Variants in SNTB1 observed in about 807,000 individuals in gnomAD.
The protein encoded by SNTB1 is beta-1-syntrophin.
A neutral mutation model predicts 48.9 loss-of-function variants in SNTB1; 36 were observed. The ratio of observed to expected loss-of-function variants is 0.74; its 90% CI spans 0.56 to 0.97. The LOEUF (loss-of-function observed/expected upper bound fraction) is 0.97, where lower values mean the gene tolerates loss of function less well. Ranked by LOEUF, SNTB1 falls within the 50% of genes least tolerant of loss-of-function variation. The pLI is 0.00. For missense variants in SNTB1, 786 were observed against 703.4 expected (o/e 1.12, Z -1.33); for synonymous variants, 299 against 294.6 (o/e 1.01, Z -0.15).
At position 120,766,332 on chromosome 8, in the gene SNTB1, C is replaced by T. The variant is rs191557469; in HGVS notation, c.571+44941G>A. On this transcript the variant is annotated intron_variant, in intron 1 of 6. Transcript: ENST00000517992. ...AAATATCAGAGCCATGATTCAAATC[C>T]AGGTATGACCGATTATAAAGCCCAC... Among the ~76,000 whole-genome samples the T allele has an allele frequency of 1.6e-3, 243 of 152,208 alleles. 2 individuals are homozygous for T. Among genetic ancestry groups the T allele is most frequent in the African/African-American group, 5.4e-3 (226 of 41,528 alleles).
chr8:120,606,654 G>T (rs1816525684), intron 3 of SNTB1, among the ~76,000 whole-genome samples: 1 of 152,170 alleles, frequency 6.6e-6, no homozygotes, highest in Non-Finnish European at 1.5e-5. Context: ...TCAGTAAGTT[G>T]TCTTTAAAAG....
chr8:120,550,827 A>G (rs1179438027), intron 4 of SNTB1, among the ~76,000 whole-genome samples: 1 of 152,266 alleles, frequency 6.6e-6, no homozygotes, highest in African/African-American at 2.4e-5. Context: ...AGTAAGGGTA[A>G]GGTAAAAATT....
intron 1 of SNTB1, among the ~76,000 whole-genome samples, chr8:120,716,328 T>C (rs762891987): frequency 6.6e-6 from 1 of 152,232 alleles, no homozygotes; most frequent in Admixed American, 6.5e-5. Context: ...AGTGTTTTCA[T>C]GCATTAGTAA....
At chr8:120,790,775 T>C (rs1820015882) in intron 1 of SNTB1, among the ~76,000 whole-genome samples, 2 of 152,048 alleles carry the variant, frequency 1.3e-5, no homozygotes, top group Non-Finnish European at 2.9e-5. Context: ...CTTGTGCTCA[T>C]GGATTGGAAG....
intron 4 of SNTB1, among the ~76,000 whole-genome samples, chr8:120,563,250 C>CA (rs965382105): frequency 6.6e-6 from 1 of 151,298 alleles, no homozygotes; most frequent in East Asian, 1.9e-4. Flanking sequence ...TGACAGTGAC[C>CA]AAAAAAACCA....
At chr8:120,603,210 T>C (rs761692204) in intron 3 of SNTB1, among the ~76,000 whole-genome samples, 3 of 152,040 alleles carry the variant, frequency 2.0e-5, no homozygotes, top group Non-Finnish European at 4.4e-5. Context: ...CAAGCAATTC[T>C]CCTGCCTCAG....
In SNTB1 at chr8:120,811,822, C is replaced by T; in HGVS notation, c.22G>A (p.Ala8Thr). The change falls in exon 1 of 7, where the codon GCG becomes ACG. Residue 8 changes from alanine to threonine, a missense_variant. Coordinates refer to ENST00000517992, the MANE Select transcript of SNTB1 (RefSeq NM_021021.4). MAVAAAA[A>T]AAGPAGAGGG... ...CCCGCGCCAGCCGGCCCAGCCGCCG[C>T]CGCCGCCGCCGCTACCGCCATCTTT... 1 of 1,352,078 alleles carries T rather than the reference C, an allele frequency of 7.4e-7. No individual in the cohort carries two copies. The highest frequency in any genetic ancestry group is 9.5e-7 in the Non-Finnish European group (1 of 1,055,776). The allele number at this position is 1,352,078 out of a possible 1,614,324, so 83.8% of individuals were successfully genotyped here.
chr8:120,654,956 C>A (rs1416053334), intron 2 of SNTB1: 1 of 456,118 alleles, frequency 2.2e-6, no homozygotes, highest in Non-Finnish European at 4.4e-6. Flanking sequence ...CTTGCAGCAA[C>A]TTCGGGGAAT....
chr8:120,591,204 C>G (rs1816235397), intron 3 of SNTB1, among the ~76,000 whole-genome samples: 1 of 152,210 alleles, frequency 6.6e-6, no homozygotes, highest in South Asian at 2.1e-4. Context: ...ATTAGCCACA[C>G]CAAACTCCTC....
chr8:120,617,138 TAG>T (rs753637488), intron 3 of SNTB1, among the ~76,000 whole-genome samples: 8 of 152,246 alleles, frequency 5.3e-5, no homozygotes, highest in Non-Finnish European at 1.0e-4. Context: ...TCGTTAGTGT[TAG>T]TGTATTTTGT....
intron 1 of SNTB1, chr8:120,761,465 T>C (rs1819417680): frequency 6.6e-6 from 1 of 152,196 alleles, no homozygotes; most frequent in South Asian, 2.1e-4. Flanking sequence ...AATAGGAAGC[T>C]CCGGCTCAAA....
Position 120,660,945 on chromosome 8 carries a change from C to T in SNTB1, c.789-28294G>A, listed in dbSNP as rs999466995. Among the ~76,000 whole-genome samples the T allele has an allele frequency of 2.3e-4, 35 of 152,252 alleles. 1 individual carries two copies. The highest frequency in any genetic ancestry group is 7.5e-4 in the African/African-American group (31 of 41,532). On this transcript the variant is annotated intron_variant, in intron 2 of 6. Transcript: ENST00000517992. ...GCCAATCGATGGAGCCGACAGGATA[C>T]ATACAACATTTATGCATTCAGTTAT...
intron 1 of SNTB1, among the ~76,000 whole-genome samples, chr8:120,783,125 T>A (rs901005654): frequency 2.2e-4 from 33 of 152,234 alleles, no homozygotes; most frequent in African/African-American, 8.0e-4. Flanking sequence ...CAAGTTCTGC[T>A]AGCAATCTAA....
In SNTB1 at chr8:120,575,178, C is replaced by T; in HGVS notation, c.1044G>A (p.Leu348=). ...CATAGATTAAAAGGTCTTTCTCAGT[C>T]AGCACAACCAGGGCTGGTTTCCACT... The part of the protein sequence containing the change: ...KKQWKPALVV[L]TEKDLLIYDS... Residue 348 remains leucine (L), a synonymous_variant, in exon 4 of 7, where the codon CTG becomes CTA. Coordinates refer to ENST00000517992, the MANE Select transcript of SNTB1 (RefSeq NM_021021.4). The T allele has an allele frequency of 6.2e-7, 1 of 1,614,128 alleles. No individual in the cohort carries two copies. Among genetic ancestry groups the T allele is most frequent in the Non-Finnish European group, 8.5e-7 (1 of 1,180,008 alleles).
intron 3 of SNTB1, among the ~76,000 whole-genome samples, chr8:120,611,330 T>C (rs906686096): frequency 7.0e-6 from 1 of 143,476 alleles, no homozygotes; most frequent in Admixed American, 7.2e-5. Flanking sequence ...AATCAAAAGT[T>C]GGCAAATAGC....
intron 2 of SNTB1, among the ~76,000 whole-genome samples, chr8:120,691,878 T>C (rs1201130483): frequency 6.6e-6 from 1 of 152,162 alleles, no homozygotes; most frequent in Non-Finnish European, 1.5e-5. Context: ...TCTGAAAACT[T>C]TGACATCAGA....
chr8:120,628,064 T>C (rs898603082), intron 3 of SNTB1, among the ~76,000 whole-genome samples: 1 of 152,082 alleles, frequency 6.6e-6, no homozygotes, highest in African/African-American at 2.4e-5. Flanking sequence ...GAATACGAAA[T>C]GGAAATGAAT....
At chr8:120,756,606 T>G (rs1049578013) in intron 1 of SNTB1, among the ~76,000 whole-genome samples, 1 of 149,626 alleles carries the variant, frequency 6.7e-6, no homozygotes. Flanking sequence ...ATAAAAACTA[T>G]GTTTCTTCAA....
At chr8:120,572,202 G>A (rs1352900825) in intron 4 of SNTB1, among the ~76,000 whole-genome samples, 1 of 152,142 alleles carries the variant, frequency 6.6e-6, no homozygotes, top group Non-Finnish European at 1.5e-5. Context: ...CCTAGATGAA[G>A]AGCCCACCTT....
Sources: allele counts gnomAD v4.1 joint callset (sites outside exome capture counted in the v4.1 genomes callset), GRCh38; gene constraint gnomAD v4.1.1; transcripts MANE v1.5; gene names NCBI Gene and HGNC (gene_info 2026-07-23, HGNC 2026-07-21).